Variants in EFCAB13 observed in about 807,000 individuals in gnomAD.
The protein encoded by EFCAB13 is EF-hand calcium binding domain 13, also known as EF-hand calcium-binding domain-containing protein 13.
Under a neutral mutation model 110.2 loss-of-function variants are expected in EFCAB13, and 91 were observed. The ratio of observed to expected loss-of-function variants is 0.83; its 90% CI spans 0.70 to 0.98. EFCAB13 has a LOEUF of 0.98. Among genes scored for constraint, EFCAB13 ranks in the 50% least tolerant of loss-of-function variants. EFCAB13 has a pLI of 0.00. For missense variants in EFCAB13, 968 were observed against 1,119.4 expected (o/e 0.86, Z 1.93); for synonymous variants, 323 against 369.9 (o/e 0.87, Z 1.45).
intron 16 of EFCAB13, 61 bp from the exon 17 acceptor site, chr17:47,395,773 G>A (rs1054168233): frequency 1.4e-5 from 20 of 1,427,956 alleles, no homozygotes; most frequent in East Asian, 4.7e-5. Flanking sequence ...CCAGATGACA[G>A]TTTACTGTAT....
At chr17:47,368,384 G>A (rs1023173472) in intron 10 of EFCAB13, among the ~76,000 whole-genome samples, 3 of 152,176 alleles carry the variant, frequency 2.0e-5, no homozygotes, top group African/African-American at 7.2e-5. Flanking sequence ...CGGTTCATTG[G>A]ATTTTGCATT....
intron 4 of EFCAB13, 112 bp downstream of exon 4, chr17:47,328,495 G>T: frequency 1.2e-6 from 1 of 835,604 alleles, no homozygotes; most frequent in South Asian, 1.9e-5. Flanking sequence ...TAGTTATAAG[G>T]AACCTGGCCA....
chr17:47,393,516 C>A lies in EFCAB13; in HGVS notation c.1727-509C>A, dbSNP rs541387377. 5.9e-5 allele frequency among the ~76,000 whole-genome samples: 9 copies of A among 152,132 alleles called. No individual in the cohort carries two copies. The South Asian group carries it at 1.9e-3, about 32-fold the overall frequency. ...GAATGTATACATAAATTGTGGTATA[C>A]ACCATTGTGTATTCATATAATGGAA... On this transcript the variant is annotated intron_variant, in intron 15 of 24. Coordinates refer to ENST00000331493, the MANE Select transcript of EFCAB13 (RefSeq NM_152347.5).
intron 9 of EFCAB13, among the ~76,000 whole-genome samples, chr17:47,353,363 T>C (rs2065463830): frequency 6.6e-6 from 1 of 152,002 alleles, no homozygotes; most frequent in Non-Finnish European, 1.5e-5. Flanking sequence ...GACACAATCT[T>C]GGCTCACTGC....
intron 23 of EFCAB13, among the ~76,000 whole-genome samples, chr17:47,416,120 G>T (rs552699706): frequency 6.6e-6 from 1 of 152,174 alleles, no homozygotes; most frequent in African/African-American, 2.4e-5. Context: ...GTAGCTTTTA[G>T]AATTGAGACA....
intron 17 of EFCAB13, among the ~76,000 whole-genome samples, chr17:47,401,343 A>G (rs1327057986): frequency 6.6e-6 from 1 of 152,216 alleles, no homozygotes; most frequent in African/African-American, 2.4e-5. Context: ...GGCTGGGAAA[A>G]CAAAGCTGCT....
chr17:47,349,756 T>C (rs2065437818), intron 9 of EFCAB13, among the ~76,000 whole-genome samples: 1 of 137,318 alleles, frequency 7.3e-6, no homozygotes, highest in African/African-American at 2.7e-5. Flanking sequence ...GTGGCTGATG[T>C]TTCTTTTTTT....
intron 9 of EFCAB13, among the ~76,000 whole-genome samples, chr17:47,359,075 G>A (rs1422831113): frequency 6.6e-6 from 1 of 152,192 alleles, no homozygotes; most frequent in Non-Finnish European, 1.5e-5. Flanking sequence ...GCTCATGCCT[G>A]TAGTCCCAGC....
intron 22 of EFCAB13, among the ~76,000 whole-genome samples, chr17:47,413,295 G>A (rs1448316073): frequency 6.6e-6 from 1 of 152,030 alleles, no homozygotes; most frequent in African/African-American, 2.4e-5. Context: ...CAAATAAAAT[G>A]TGGGAGGGCT....
intron 9 of EFCAB13, among the ~76,000 whole-genome samples, chr17:47,353,300 T>A (rs1418179786): frequency 2.0e-5 from 3 of 151,936 alleles, no homozygotes; most frequent in Admixed American, 6.5e-5. Context: ...TTTATTATTT[T>A]TTTTTATTTT....
At chr17:47,366,712 A>T (rs1039825979) in intron 10 of EFCAB13, among the ~76,000 whole-genome samples, 1 of 152,206 alleles carries the variant, frequency 6.6e-6, no homozygotes, top group African/African-American at 2.4e-5. Context: ...TAGTCATTTC[A>T]GATTCTCGAA....
chr17:47,430,102 A>G, intron 24 of EFCAB13, 141 bp downstream of exon 24: 2 of 1,326,844 alleles, frequency 1.5e-6, no homozygotes, highest in Non-Finnish European at 9.7e-7. Flanking sequence ...TACTGCCCCT[A>G]CAGGTGTGCC....
chr17:47,415,662 A>G (rs937794571), intron 23 of EFCAB13, among the ~76,000 whole-genome samples: 2 of 152,192 alleles, frequency 1.3e-5, no homozygotes, highest in Non-Finnish European at 2.9e-5. Context: ...AGGGACCACC[A>G]GTTTTTGTGA....
chr17:47,409,590 C>T, intron 20 of EFCAB13, 57 bp from the exon 21 acceptor site: 8 of 1,329,366 alleles, frequency 6.0e-6, no homozygotes, highest in South Asian at 2.4e-5. Context: ...TCCTTTCAAA[C>T]AGGGTAAGAT....
chr17:47,404,561 G>C lies in EFCAB13; in HGVS notation c.2162-1G>C. On this transcript the variant is annotated splice_acceptor_variant, in intron 19 of 24. Coordinates refer to ENST00000331493, the MANE Select transcript of EFCAB13 (RefSeq NM_152347.5). LOFTEE classifies it high-confidence loss of function. ...TTGTCATCTCTCTCTTTTCCTTGCA[G>C]AAGATAACATGGTGAACATTAAAGA... 6.2e-7 allele frequency: 1 copy of C among 1,610,682 alleles called. No homozygotes were observed. Among genetic ancestry groups the C allele is most frequent in the Non-Finnish European group, 8.5e-7 (1 of 1,178,472 alleles).
At chr17:47,416,164 G>A (rs1363692941) in intron 23 of EFCAB13, among the ~76,000 whole-genome samples, 31 of 152,082 alleles carry the variant, frequency 2.0e-4, no homozygotes, top group Non-Finnish European at 1.3e-4. Flanking sequence ...CCCTTTTAAA[G>A]TGTACCATTC....
At chr17:47,425,746 G>C (rs1381395083) in intron 23 of EFCAB13, among the ~76,000 whole-genome samples, 1 of 152,176 alleles carries the variant, frequency 6.6e-6, no homozygotes, top group African/African-American at 2.4e-5. Context: ...GAAATTGTCG[G>C]CATGCCTGTT....
intron 10 of EFCAB13, among the ~76,000 whole-genome samples, chr17:47,367,605 C>G (rs576503324): frequency 6.6e-6 from 1 of 152,336 alleles, no homozygotes; most frequent in East Asian, 1.9e-4. Flanking sequence ...ATTATGAACA[C>G]TAATGACCTT....
chr17:47,328,469 C>G, intron 4 of EFCAB13, 86 bp downstream of exon 4: 1 of 1,085,254 alleles, frequency 9.2e-7, no homozygotes, highest in Non-Finnish European at 1.3e-6. Context: ...AATCAGTAAG[C>G]AAATTCATAG....
Sources: allele counts gnomAD v4.1 joint callset (sites outside exome capture counted in the v4.1 genomes callset), GRCh38; gene constraint gnomAD v4.1.1; transcripts MANE v1.5; gene names NCBI Gene and HGNC (gene_info 2026-07-23, HGNC 2026-07-21).